The following MED15 variants were observed in gnomAD, a reference collection of about 807,000 sequenced individuals.
MED15 encodes mediator complex subunit 15, also known as mediator of RNA polymerase II transcription subunit 15.
MED15 carries 41 observed loss-of-function variants against 118.7 expected under a neutral mutation model. The observed-to-expected ratio is 0.35, with a 90% CI of 0.27 to 0.45. MED15 has a LOEUF of 0.45. Ranked by LOEUF, MED15 falls within the 20% of genes least tolerant of loss-of-function variation. MED15 has a pLI of 1.00. For synonymous variants in MED15, 436 were observed against 413.9 expected (o/e 1.05, Z -0.65); for missense variants, 740 against 1,025.5 (o/e 0.72, Z 3.80).
chr22:20,542,321 A>G (rs1467815580), intron 2 of MED15, among the ~76,000 whole-genome samples: 1 of 152,244 alleles, frequency 6.6e-6, no homozygotes, highest in Admixed American at 6.5e-5. Context: ...GAAACAACCC[A>G]AATGTCTACC....
At chr22:20,536,848 G>A (rs766431855) in intron 1 of MED15, among the ~76,000 whole-genome samples, 6 of 152,008 alleles carry the variant, frequency 3.9e-5, no homozygotes, top group Non-Finnish European at 5.9e-5. Flanking sequence ...CCCCTCCCCC[G>A]CCCCGTCCCT....
intron 2 of MED15, among the ~76,000 whole-genome samples, chr22:20,538,026 C>T (rs565266969): frequency 1.3e-5 from 2 of 152,304 alleles, no homozygotes; most frequent in South Asian, 2.1e-4. Context: ...GAGCTTTATA[C>T]GGTTCACCCT....
At position 20,583,100 on chromosome 22, in the gene MED15, C is replaced by G; in HGVS notation, c.1538-13C>G. The G allele has an allele frequency of 1.3e-6, 2 of 1,578,290 alleles. No homozygotes were observed. Among genetic ancestry groups the G allele is most frequent in the South Asian group, 1.1e-5 (1 of 87,930 alleles). ...GGTCGAGGGCTGTGGCCTCACCCGCCTGTGTCCTGCAGTGAACCCCAGCTC... is the reference window on the plus strand; with the variant it reads ...GGTCGAGGGCTGTGGCCTCACCCGCGTGTGTCCTGCAGTGAACCCCAGCTC... On this transcript the variant is annotated splice_polypyrimidine_tract_variant and intron_variant, in intron 11 of 17. Coordinates refer to ENST00000263205, the MANE Select transcript of MED15 (RefSeq NM_001003891.3).
intron 2 of MED15, among the ~76,000 whole-genome samples, chr22:20,549,449 C>A (rs570210757): frequency 1.3e-5 from 2 of 151,898 alleles, no homozygotes; most frequent in African/African-American, 4.8e-5. Context: ...GCATAATAAT[C>A]TGTCCATCTG....
At chr22:20,578,602 AAAAG>A (rs1449347496) in intron 9 of MED15, among the ~76,000 whole-genome samples, 2 of 152,176 alleles carry the variant, frequency 1.3e-5, no homozygotes, top group African/African-American at 4.8e-5. Context: ...CCTTCCGAGA[AAAAG>A]AGAGCTTATC....
At chr22:20,544,527 C>T (rs1167959699) in intron 2 of MED15, among the ~76,000 whole-genome samples, 2 of 152,064 alleles carry the variant, frequency 1.3e-5, no homozygotes, top group African/African-American at 2.4e-5. Context: ...ACTAGCCAGG[C>T]GTGGTGGCGG....
intron 1 of MED15, 40 bp downstream of exon 1, chr22:20,507,786 T>A (rs1375523889): frequency 1.2e-6 from 2 of 1,612,882 alleles, no homozygotes; most frequent in Non-Finnish European, 1.7e-6. Context: ...TTGTGGGACC[T>A]TCCTCCTTAG....
intron 17 of MED15, among the ~76,000 whole-genome samples, chr22:20,586,101 G>A (rs1340394886): frequency 6.6e-6 from 1 of 152,170 alleles, no homozygotes; most frequent in Admixed American, 6.5e-5. Flanking sequence ...AGTGGGTGAG[G>A]GGTGAGTAAG....
chr22:20,550,585 G>A (rs962848208), intron 2 of MED15, among the ~76,000 whole-genome samples: 2 of 152,258 alleles, frequency 1.3e-5, no homozygotes, highest in Admixed American at 6.5e-5. Context: ...AGCAGGGCAC[G>A]GAGCCGGGGC....
At chr22:20,570,372 C>T (rs1262344662) in intron 8 of MED15, among the ~76,000 whole-genome samples, 3 of 149,804 alleles carry the variant, frequency 2.0e-5, no homozygotes, top group Non-Finnish European at 3.0e-5. Flanking sequence ...GAGAACTGCT[C>T]TTTTCTTTAT....
chr22:20,581,094 G>A (rs2056966489), intron 9 of MED15, among the ~76,000 whole-genome samples: 1 of 152,182 alleles, frequency 6.6e-6, no homozygotes, highest in South Asian at 2.1e-4. Context: ...GAAGTACCCT[G>A]TTGTGGTCAC....
chr22:20,542,520 G>T (rs1324433275), intron 2 of MED15, among the ~76,000 whole-genome samples: 2 of 152,212 alleles, frequency 1.3e-5, no homozygotes, highest in Non-Finnish European at 2.9e-5. Flanking sequence ...GATCTATAGA[G>T]ATAGTGTATT....
intron 9 of MED15, chr22:20,582,336 GAC>G (rs929070692): frequency 9.1e-6 from 5 of 548,686 alleles, no homozygotes; most frequent in Non-Finnish European, 1.3e-5. Flanking sequence ...ACACTCCCAC[GAC>G]ACAGCCCTCA....
intron 2 of MED15, among the ~76,000 whole-genome samples, chr22:20,545,490 A>G (rs1398002697): frequency 4.0e-5 from 6 of 151,726 alleles, no homozygotes; most frequent in African/African-American, 7.2e-5. Flanking sequence ...AAAAAAAAAA[A>G]AAAGAAACAA....
At chr22:20,555,877 G>A (rs995296108) in intron 5 of MED15, among the ~76,000 whole-genome samples, 3 of 152,148 alleles carry the variant, frequency 2.0e-5, no homozygotes, top group Non-Finnish European at 2.9e-5. Flanking sequence ...TCACAGCACC[G>A]CGCCCGGCTA....
At chr22:20,583,066 C>T (rs1383992625) in intron 11 of MED15, 47 bp from the exon 12 acceptor site, 1 of 1,558,608 alleles carries the variant, frequency 6.4e-7, no homozygotes, top group Non-Finnish European at 8.7e-7. Context: ...CTCAAGTTCC[C>T]CACCCGAGGG....
chr22:20,579,489 CTGAG>C (rs532535171), intron 9 of MED15, among the ~76,000 whole-genome samples: 77 of 151,948 alleles, frequency 5.1e-4, no homozygotes, highest in African/African-American at 1.9e-3. Flanking sequence ...AGGGGACACA[CTGAG>C]TGCCGGAGCC....
At chr22:20,561,211 CAAA>C (rs561409774) in intron 5 of MED15, among the ~76,000 whole-genome samples, 185 of 151,992 alleles carry the variant, frequency 1.2e-3, no homozygotes, top group African/African-American at 4.1e-3. Context: ...TCAAAAAAGA[CAAA>C]GAAGCTTAGA....
At chr22:20,528,310 A>G (rs2054730308) in intron 1 of MED15, among the ~76,000 whole-genome samples, 1 of 152,206 alleles carries the variant, frequency 6.6e-6, no homozygotes, top group Non-Finnish European at 1.5e-5. Flanking sequence ...CAACCTTTTT[A>G]GCACCAGGGA....
Sources: allele counts gnomAD v4.1 joint callset (sites outside exome capture counted in the v4.1 genomes callset), GRCh38; gene constraint gnomAD v4.1.1; transcripts MANE v1.5; gene names NCBI Gene and HGNC (gene_info 2026-07-23, HGNC 2026-07-21).